GSN: variants seen among roughly 807,000 people sequenced by gnomAD.
The protein encoded by GSN is actin-depolymerizing factor.
In GSN, 56 loss-of-function variants were observed where a neutral mutation model predicts 85.7. The ratio of observed to expected loss-of-function variants is 0.65; its 90% CI spans 0.53 to 0.82. The LOEUF is 0.82. Among genes scored for constraint, GSN ranks in the 40% least tolerant of loss-of-function variants. GSN has a pLI of 0.00. For synonymous variants in GSN, 373 were observed against 399.1 expected, an observed-to-expected ratio of 0.93 and a Z score of 0.78; for missense variants, 857 against 979.8, an observed-to-expected ratio of 0.87 and a Z score of 1.67.
chr9:121,254,088 T>A (rs1052317685), intron 6 of GSN, among the ~76,000 whole-genome samples: 2 of 152,206 alleles, frequency 1.3e-5, no homozygotes, highest in African/African-American at 2.4e-5. Context: ...CTATTTAATC[T>A]AGAGTCTGGA....
chr9:121,326,755 A>C, intron 13 of GSN, 73 bp downstream of exon 13: 14 of 1,290,332 alleles, frequency 1.1e-5, no homozygotes, highest in Non-Finnish European at 1.5e-5. Context: ...CCAGATCTCC[A>C]GGCACAGGAA....
chr9:121,301,245 C>T (rs2059808012), intron 2 of GSN, among the ~76,000 whole-genome samples: 1 of 152,204 alleles, frequency 6.6e-6, no homozygotes, highest in Non-Finnish European at 1.5e-5. Context: ...CCTGGGGCAA[C>T]CCCTGCTACA....
At chr9:121,215,480 G>A (rs1363117804) in intron 4 of GSN, among the ~76,000 whole-genome samples, 1 of 152,048 alleles carries the variant, frequency 6.6e-6, no homozygotes, top group African/African-American at 2.4e-5. Context: ...GATCACCTGA[G>A]GTCAGGAGTT....
intron 6 of GSN, among the ~76,000 whole-genome samples, chr9:121,250,243 C>T (rs1324663617): frequency 1.4e-5 from 2 of 141,476 alleles, no homozygotes; most frequent in East Asian, 2.0e-4. Flanking sequence ...CTCACTCTGT[C>T]GCCCAGGCCG....
intron 4 of GSN, among the ~76,000 whole-genome samples, chr9:121,303,792 T>A (rs1008445498): frequency 6.6e-6 from 1 of 152,188 alleles, no homozygotes; most frequent in Non-Finnish European, 1.5e-5. Context: ...GGAAGGGCTA[T>A]GGAAACACTG....
rs986149710 is a variant in GSN, at chr9:121,244,547, GT to G, written c.-388-3728del. ...CTCTTAATTTTAGCCATTCTGAGAGGTAGGCAGTGGTATAGTAATCCCACTT... is the reference window on the plus strand; with the variant it reads ...CTCTTAATTTTAGCCATTCTGAGAGGAGGCAGTGGTATAGTAATCCCACTT... On this transcript the variant is annotated intron_variant, in intron 5 of 24. Transcript: ENST00000373823. 8.5e-4 allele frequency among the ~76,000 whole-genome samples: 130 copies of G among 152,312 alleles called. 1 individual carries two copies. Among genetic ancestry groups the G allele is most frequent in the African/African-American group, 2.9e-3 (120 of 41,556 alleles).
chr9:121,246,380 G>C (rs78533476), intron 5 of GSN, among the ~76,000 whole-genome samples: 4,227 of 152,190 alleles, frequency 0.028, 205 homozygotes, highest in African/African-American at 0.096. Flanking sequence ...CATCCAATTT[G>C]ATAGGTATTC....
At chr9:121,208,162 ATTG>A (rs1274566008) in intron 1 of GSN, among the ~76,000 whole-genome samples, 2 of 152,148 alleles carry the variant, frequency 1.3e-5, no homozygotes, top group African/African-American at 2.4e-5. Context: ...CACACACGGA[ATTG>A]TTGTTCAGAT....
intron 1 of GSN, among the ~76,000 whole-genome samples, chr9:121,273,911 TG>T (rs1204156237): frequency 6.6e-6 from 1 of 152,154 alleles, no homozygotes; most frequent in Non-Finnish European, 1.5e-5. Flanking sequence ...GAACCAAGAC[TG>T]GGGCTCCCCA....
chr9:121,305,569 C>T (rs2060316013), intron 4 of GSN, among the ~76,000 whole-genome samples: 1 of 152,228 alleles, frequency 6.6e-6, no homozygotes, highest in South Asian at 2.1e-4. Flanking sequence ...AGACCTGGTT[C>T]AGAGTAGACA....
intron 12 of GSN, among the ~76,000 whole-genome samples, chr9:121,325,648 C>T (rs973129488): frequency 6.6e-6 from 1 of 152,128 alleles, no homozygotes; most frequent in Non-Finnish European, 1.5e-5. Context: ...TGTGCTTCCT[C>T]CGTCCTACGG....
intron 6 of GSN, among the ~76,000 whole-genome samples, chr9:121,250,202 CTTTTT>C (rs542805619): frequency 7.8e-6 from 1 of 127,558 alleles, no homozygotes; most frequent in Non-Finnish European, 1.6e-5. Context: ...AGATCCTTCT[CTTTTT>C]TTTTTTTTTT....
At chr9:121,240,561 T>G (rs552689358) in intron 5 of GSN, among the ~76,000 whole-genome samples, 66 of 152,352 alleles carry the variant, frequency 4.3e-4, no homozygotes, top group African/African-American at 1.5e-3. Flanking sequence ...AATATCCTTC[T>G]GGCCAAGTAT....
Position 121,286,674 on chromosome 9 carries a change from A to G in GSN, c.-10+5112A>G, listed in dbSNP as rs1379530177. The G allele has an allele frequency of 9.1e-6, 14 of 1,535,074 alleles. No homozygotes were observed. In the East Asian group the frequency reaches 3.4e-4, roughly 38 times the overall value. ...TCTGGGCCGGGAAGTCAGAGAAAGAAAGGAGACAATTTGTGATTGAACAGC... is the reference window on the plus strand; with the variant it reads ...TCTGGGCCGGGAAGTCAGAGAAAGAGAGGAGACAATTTGTGATTGAACAGC... On this transcript the variant is annotated intron_variant, in intron 2 of 17. Transcript: ENST00000432226.
chr9:121,214,950 T>A (rs1257400889), intron 4 of GSN, among the ~76,000 whole-genome samples: 1 of 152,162 alleles, frequency 6.6e-6, no homozygotes, highest in Non-Finnish European at 1.5e-5. Context: ...CTGGGTGGCT[T>A]GCAATAACAA....
intron 5 of GSN, among the ~76,000 whole-genome samples, chr9:121,234,661 G>A (rs1355696615): frequency 6.6e-6 from 1 of 152,168 alleles, no homozygotes; most frequent in Non-Finnish European, 1.5e-5. Flanking sequence ...GTGGAGGCAC[G>A]AAGGGCAGGG....
rs931166129 is a variant in GSN at position 121,236,835 on chromosome 9, C to T, written c.-389+5532C>T. 3.3e-5 allele frequency among the ~76,000 whole-genome samples: 5 copies of T among 152,192 alleles called. 1 individual carries two copies. The highest frequency in any genetic ancestry group is 2.6e-4 in the Admixed American group (4 of 15,284). On this transcript the variant is annotated intron_variant, in intron 5 of 24. Transcript: ENST00000373823. Reference sequence around the variant, plus strand: ...GGCAGAGGTAGGTCCGAAAGCAGAACCAAATCAGGGATTTTCCAAAGGCTG... The same window carrying T: ...GGCAGAGGTAGGTCCGAAAGCAGAATCAAATCAGGGATTTTCCAAAGGCTG...
At chr9:121,302,375 A>C (rs1306519986) in intron 3 of GSN, among the ~76,000 whole-genome samples, 1 of 152,156 alleles carries the variant, frequency 6.6e-6, no homozygotes, top group African/African-American at 2.4e-5. Flanking sequence ...GTCCTTTGGC[A>C]AGTCACTTAG....
chr9:121,322,543 C>A (rs1402028706), intron 11 of GSN, among the ~76,000 whole-genome samples: 1 of 152,196 alleles, frequency 6.6e-6, no homozygotes, highest in East Asian at 1.9e-4. Flanking sequence ...CAGAGACATG[C>A]CTCTAGAGTA....
Sources: gnomAD v4.1 joint callset for allele counts (sites outside exome capture counted in the v4.1 genomes callset) on GRCh38, gnomAD v4.1.1 for gene constraint, MANE v1.5 for transcripts, NCBI Gene and HGNC (gene_info 2026-07-23, HGNC 2026-07-21) for gene names.